The following SAMD5 variants were observed in gnomAD, a reference collection of about 807,000 sequenced individuals.
The protein encoded by SAMD5 is sterile alpha motif domain-containing protein 5.
In SAMD5, 13 loss-of-function variants were observed where a neutral mutation model predicts 11.3. The ratio of observed to expected loss-of-function variants is 1.15; its 90% CI spans 0.75 to 1.83. The LOEUF is 1.83. Among genes scored for constraint, SAMD5 ranks in the 40% most tolerant of loss-of-function variants. SAMD5 has a pLI of 0.00. For missense variants in SAMD5, 255 were observed against 239.1 expected, an observed-to-expected ratio of 1.07 and a Z score of -0.44; for synonymous variants, 129 against 111.3, an observed-to-expected ratio of 1.16 and a Z score of -1.00.
chr6:147,510,352 G>A (rs770988774), intron 1 of SAMD5, among the ~76,000 whole-genome samples: 13 of 152,232 alleles, frequency 8.5e-5, no homozygotes, highest in Non-Finnish European at 1.8e-4. Flanking sequence ...GGCTGTCGGA[G>A]TAGAGGGTCC....
At chr6:147,816,301 A>AAAAAAATATATAT in the SAMD5 span, among the ~76,000 whole-genome samples, 95 of 66,330 alleles carry the variant, frequency 1.4e-3, 1 homozygote, top group African/African-American at 5.4e-3. Context: ...AAAAAAAAAA[A>AAAAAAATATATAT]ATATATATAT....
chr6:147,703,023 G>A (rs1424942789), intron 1 of SAMD5, among the ~76,000 whole-genome samples: 1 of 152,112 alleles, frequency 6.6e-6, no homozygotes, highest in Non-Finnish European at 1.5e-5. Context: ...TACTCACCAT[G>A]TGTTACAATA....
the SAMD5 span, among the ~76,000 whole-genome samples, chr6:147,757,748 G>T: frequency 6.6e-6 from 1 of 152,036 alleles, no homozygotes; most frequent in Non-Finnish European, 1.5e-5. Flanking sequence ...AATTTTAAGG[G>T]TTTTTATTTT....
chr6:147,722,966 G>A (rs537715091), intron 1 of SAMD5, among the ~76,000 whole-genome samples: 27 of 152,050 alleles, frequency 1.8e-4, no homozygotes, highest in Non-Finnish European at 3.7e-4. Flanking sequence ...CTTGTGCTCA[G>A]TGTGGGTCTG....
chr6:147,935,789 C>T, the SAMD5 span, among the ~76,000 whole-genome samples: 1 of 152,244 alleles, frequency 6.6e-6, no homozygotes, highest in East Asian at 1.9e-4. Context: ...AAGCAAACTG[C>T]TAAGTTATCT....
chr6:147,723,523 T>C (rs543675511), intron 1 of SAMD5, among the ~76,000 whole-genome samples: 16 of 152,176 alleles, frequency 1.1e-4, no homozygotes, highest in Non-Finnish European at 2.2e-4. Context: ...GCCAGTTACC[T>C]CCTGCATGGT....
the SAMD5 span, among the ~76,000 whole-genome samples, chr6:147,800,865 T>A: frequency 6.6e-6 from 1 of 152,164 alleles, no homozygotes; most frequent in Non-Finnish European, 1.5e-5. Flanking sequence ...TTCATTTTCA[T>A]AAAATGAAAC....
intron 1 of SAMD5, among the ~76,000 whole-genome samples, chr6:147,613,212 A>G (rs1425821818): frequency 6.6e-6 from 1 of 150,652 alleles, no homozygotes; most frequent in East Asian, 1.9e-4. Context: ...TTGTCCTATC[A>G]TCTGCTCCCC....
chr6:147,875,780 C>A, the SAMD5 span, among the ~76,000 whole-genome samples: 1 of 152,148 alleles, frequency 6.6e-6, no homozygotes, highest in African/African-American at 2.4e-5. Context: ...TTATGAGAAT[C>A]CAGTGCCTGA....
chr6:147,650,177 A>G (rs1790463993), intron 1 of SAMD5, among the ~76,000 whole-genome samples: 1 of 152,230 alleles, frequency 6.6e-6, no homozygotes, highest in Non-Finnish European at 1.5e-5. Context: ...AATGCCAGAC[A>G]TTAATTAATA....
intron 1 of SAMD5, among the ~76,000 whole-genome samples, chr6:147,654,911 A>C (rs753825862): frequency 7.2e-5 from 11 of 152,082 alleles, no homozygotes; most frequent in African/African-American, 9.7e-5. Context: ...CAGCCTGGGG[A>C]TTGGTGGCAG....
intron 1 of SAMD5, among the ~76,000 whole-genome samples, chr6:147,672,210 T>C (rs1400670373): frequency 6.6e-6 from 1 of 152,118 alleles, no homozygotes. Context: ...TTTTCCATTA[T>C]GTGTTGTAAT....
chr6:147,532,003 C>A (rs1034140891), intron 1 of SAMD5, among the ~76,000 whole-genome samples: 2 of 151,990 alleles, frequency 1.3e-5, no homozygotes, highest in Non-Finnish European at 2.9e-5. Context: ...AGAATAGGAT[C>A]ACAAAAGAGA....
chr6:147,658,183 C>T (rs1376166187), intron 1 of SAMD5, among the ~76,000 whole-genome samples: 1 of 152,120 alleles, frequency 6.6e-6, no homozygotes, highest in Admixed American at 6.5e-5. Flanking sequence ...CTTCAGAAGC[C>T]TCTCCAGTGT....
At chr6:147,951,237 A>T in the SAMD5 span, among the ~76,000 whole-genome samples, 2 of 149,112 alleles carry the variant, frequency 1.3e-5, no homozygotes, top group African/African-American at 2.5e-5. Context: ...GCTGGAGTGC[A>T]GTGGCGCGAT....
chr6:147,815,386 G>C, the SAMD5 span, among the ~76,000 whole-genome samples: 4 of 152,192 alleles, frequency 2.6e-5, no homozygotes, highest in African/African-American at 9.7e-5. Flanking sequence ...CTCTGTTGTC[G>C]AAGAGCAGAA....
At chr6:147,538,001 G>GT (rs1305906213) in intron 1 of SAMD5, among the ~76,000 whole-genome samples, 9 of 152,102 alleles carry the variant, frequency 5.9e-5, no homozygotes, top group African/African-American at 1.4e-4. Context: ...GTTAAGGCTA[G>GT]TTTTTTAAAT....
the SAMD5 span, among the ~76,000 whole-genome samples, chr6:147,882,572 AT>A: frequency 6.6e-6 from 1 of 152,210 alleles, no homozygotes; most frequent in East Asian, 1.9e-4. Flanking sequence ...CCTGGGCAAC[AT>A]AGCAAGACTC....
At chr6:147,746,178 C>A in the SAMD5 span, among the ~76,000 whole-genome samples, 1 of 152,200 alleles carries the variant, frequency 6.6e-6, no homozygotes, top group Non-Finnish European at 1.5e-5. Context: ...GAAGCTCACT[C>A]CTCTGGATCC....
Sources: gnomAD v4.1 joint callset for allele counts (sites outside exome capture counted in the v4.1 genomes callset) on GRCh38, gnomAD v4.1.1 for gene constraint, MANE v1.5 for transcripts, NCBI Gene and HGNC (gene_info 2026-07-23, HGNC 2026-07-21) for gene names.